UGT1A8: variants seen among roughly 807,000 people sequenced by gnomAD.
The protein encoded by UGT1A8 is UDP-glucuronosyltransferase 1A8.
UGT1A8 carries 39 observed loss-of-function variants against 45.3 expected under a neutral mutation model. The ratio of observed to expected loss-of-function variants is 0.86; its 90% CI spans 0.67 to 1.12. UGT1A8 has a LOEUF of 1.12. Among genes scored for constraint, UGT1A8 ranks in the 50% most tolerant of loss-of-function variants. The probability of loss-of-function intolerance (pLI) is 0.00; values close to 1 mark genes in which losing one functional copy is unlikely to be tolerated. For synonymous variants in UGT1A8, 275 were observed against 249.2 expected (o/e 1.10, Z -0.97); for missense variants, 719 against 664.9 (o/e 1.08, Z -0.90).
intron 1 of UGT1A8, among the ~76,000 whole-genome samples, chr2:233,675,474 G>A (rs545348972): frequency 6.6e-6 from 1 of 152,270 alleles, no homozygotes; most frequent in South Asian, 2.1e-4. Flanking sequence ...TCCATGGCAG[G>A]TGCGGCTCTG....
At position 233,768,097 on chromosome 2, in the gene UGT1A8, T is replaced by C. The variant is rs1699562988; in HGVS notation, c.1076-123T>C. On this transcript the variant is annotated intron_variant, in intron 3 of 4. Transcript: ENST00000373450. ...GGGTATCTCAACCCACATTTTCTTC[T>C]GCAAATTTCTGCAAGGGCATGTGAG... The C allele has an allele frequency of 4.4e-6, 7 of 1,590,772 alleles. No homozygotes were observed. The Admixed American group carries it at 1.2e-4, about 28-fold the overall frequency.
intron 1 of UGT1A8, among the ~76,000 whole-genome samples, chr2:233,683,564 A>G (rs891105811): frequency 6.6e-6 from 1 of 152,106 alleles, no homozygotes; most frequent in African/African-American, 2.4e-5. Context: ...TTCTTTTGCT[A>G]TTACATCTTC....
intron 1 of UGT1A8, among the ~76,000 whole-genome samples, chr2:233,711,893 G>C (rs2076203137): frequency 6.6e-6 from 1 of 152,200 alleles, no homozygotes; most frequent in South Asian, 2.1e-4. Flanking sequence ...CGAGTCTCAT[G>C]GGCGTGAGAC....
At chr2:233,749,106 G>A (rs2125896769) in intron 1 of UGT1A8, among the ~76,000 whole-genome samples, 1 of 151,816 alleles carries the variant, frequency 6.6e-6, no homozygotes, top group Admixed American at 6.5e-5. Context: ...AGAGAATTCA[G>A]CCTTTTTATG....
At chr2:233,630,251 A>G (rs779645243) in intron 1 of UGT1A8, among the ~76,000 whole-genome samples, 21 of 152,106 alleles carry the variant, frequency 1.4e-4, no homozygotes, top group Non-Finnish European at 2.9e-4. Context: ...CCCAGTCACC[A>G]AAAGAAAAGG....
intron 1 of UGT1A8, among the ~76,000 whole-genome samples, chr2:233,684,874 G>A (rs2074706964): frequency 6.6e-6 from 1 of 152,158 alleles, no homozygotes; most frequent in Non-Finnish European, 1.5e-5. Context: ...TTTCATATGG[G>A]CAGGGTGTGT....
At chr2:233,677,449 C>T (rs1033869500) in intron 1 of UGT1A8, among the ~76,000 whole-genome samples, 2 of 152,142 alleles carry the variant, frequency 1.3e-5, no homozygotes, top group Non-Finnish European at 2.9e-5. Context: ...TTACCAAAAG[C>T]CTTGCCAATA....
intron 1 of UGT1A8, among the ~76,000 whole-genome samples, chr2:233,678,124 T>C (rs1203736814): frequency 6.6e-6 from 1 of 152,084 alleles, no homozygotes; most frequent in African/African-American, 2.4e-5. Context: ...AGTGGGTACT[T>C]TTGGGCATAA....
At chr2:233,684,395 T>C (rs4347832) in intron 1 of UGT1A8, among the ~76,000 whole-genome samples, 59,172 of 151,980 alleles carry the variant, frequency 0.39, 11,716 homozygotes, top group South Asian at 0.45. Context: ...GCACCAGCCA[T>C]CACTCAGGTA....
chr2:233,747,538 C>A lies in UGT1A8; in HGVS notation c.856-19496C>A. The stretch of plus-strand genomic sequence containing the variant: ...TTTGAAACAGAACATTTTCTGAAGA[C>A]ATTTTCTAAAAGTATGGCAATTTTG... On this transcript the variant is annotated intron_variant, in intron 1 of 4. Transcript: ENST00000373450. The A allele has an allele frequency of 3.7e-6, 6 of 1,604,366 alleles. No individual in the cohort carries two copies. The East Asian group carries it at 8.9e-5, about 24-fold the overall frequency.
intron 1 of UGT1A8, among the ~76,000 whole-genome samples, chr2:233,678,182 C>T (rs2074410997): frequency 6.6e-6 from 1 of 152,144 alleles, no homozygotes; most frequent in Non-Finnish European, 1.5e-5. Flanking sequence ...AGAGGAAAGG[C>T]TGCAAGAGTT....
rs367615925 is a variant in UGT1A8 at position 233,654,896 on chromosome 2, A to G, written c.855+36334A>G. On this transcript the variant is annotated intron_variant, in intron 1 of 4. Coordinates refer to ENST00000373450, the MANE Select transcript of UGT1A8 (RefSeq NM_019076.5). ...CACCTGAGGTCAGGAGTTCGAGATC[A>G]GTCTGGCCAACATGGCAAAACCCCG... 2.6e-5 allele frequency among the ~76,000 whole-genome samples: 4 copies of G among 152,334 alleles called. No individual in the cohort carries two copies. The East Asian group carries it at 7.7e-4, about 29-fold the overall frequency.
In UGT1A8 at chr2:233,637,184, A is replaced by G. The variant is rs569576876; in HGVS notation, c.855+18622A>G. The G allele has an allele frequency of 1.1e-4, 176 of 1,613,996 alleles. No individual in the cohort carries two copies. The South Asian group carries it at 1.9e-3, about 17-fold the overall frequency. ...CACTTGGAGGACCATTTATTTTGCC[A>G]GTATCTTTTTAGAAATGCCCTAGAA... is the stretch of plus-strand genomic sequence containing the variant. On this transcript the variant is annotated intron_variant, in intron 1 of 4. Transcript: ENST00000373450.
chr2:233,719,175 A>C, intron 1 of UGT1A8: 7 of 1,614,246 alleles, frequency 4.3e-6, no homozygotes, highest in Non-Finnish European at 5.1e-6. Flanking sequence ...AATTATGAAC[A>C]ATGTATCTTT....
Position 233,769,129 on chromosome 2 carries a change from C to T in UGT1A8, c.1295+690C>T, listed in dbSNP as rs1228379721. Among the ~76,000 whole-genome samples, 1 of 152,120 alleles carries T rather than the reference C, an allele frequency of 6.6e-6. No homozygotes were observed. The highest frequency in any genetic ancestry group is 1.9e-4 in the East Asian group (1 of 5,198). On this transcript the variant is annotated intron_variant, in intron 4 of 4. Coordinates refer to ENST00000373450, the MANE Select transcript of UGT1A8 (RefSeq NM_019076.5). This position sits in a 1 kb window ranked among gnomAD's most constrained non-coding sequence, Gnocchi z 4.4. ...AAAACAACTCAAATGCTTAGAAGTA[C>T]AGCTTTTTGCAGCACTGGAACCTGT...
Position 233,761,136 on chromosome 2 carries a change from A to G in UGT1A8, c.856-5898A>G, listed in dbSNP as rs142418984. On this transcript the variant is annotated intron_variant, in intron 1 of 4. Coordinates refer to ENST00000373450, the MANE Select transcript of UGT1A8 (RefSeq NM_019076.5). ...TTGGTGGAATCAACTGCCTTCACCA[A>G]AATCCACTATCCCAGGTGTGTATTG... 13 of 1,614,222 alleles carry G rather than the reference A, an allele frequency of 8.1e-6. No individual in the cohort carries two copies. The highest frequency in any genetic ancestry group is 1.1e-5 in the Non-Finnish European group (13 of 1,180,048).
intron 1 of UGT1A8, among the ~76,000 whole-genome samples, chr2:233,666,689 T>TGCAC (rs1326770646): frequency 2.0e-5 from 3 of 152,166 alleles, no homozygotes; most frequent in Non-Finnish European, 2.9e-5. Context: ...AGAGTACATG[T>TGCAC]GCACAATGTG....
chr2:233,713,745 G>C, intron 1 of UGT1A8: 1 of 1,613,988 alleles, frequency 6.2e-7, no homozygotes, highest in African/African-American at 1.3e-5. Flanking sequence ...TGTCAGCCAT[G>C]CATCTGTGTG....
intron 1 of UGT1A8, chr2:233,760,319 T>A (rs201984525): frequency 1.2e-6 from 2 of 1,614,040 alleles, no homozygotes; most frequent in Non-Finnish European, 1.7e-6. Flanking sequence ...GGACGCCCAC[T>A]TGTCCTGGGC....
Sources: gnomAD v4.1 joint callset for allele counts (sites outside exome capture counted in the v4.1 genomes callset) on GRCh38, gnomAD v4.1.1 for gene constraint, Gnocchi (gnomAD v3.1) non-coding constraint, MANE v1.5 for transcripts, NCBI Gene and HGNC (gene_info 2026-07-23, HGNC 2026-07-21) for gene names.